The following MAPK7 variants were observed in gnomAD, a reference collection of about 807,000 sequenced individuals.
The protein encoded by MAPK7 is mitogen-activated protein kinase 7.
A neutral mutation model predicts 56.9 loss-of-function variants in MAPK7; 30 were observed. The observed-to-expected ratio is 0.53, with a 90% CI of 0.39 to 0.72. MAPK7 has a LOEUF of 0.72. MAPK7 is among the 30% of genes least tolerant of loss of function. MAPK7 has a pLI of 0.00. For synonymous variants in MAPK7, 516 were observed against 449.3 expected, an observed-to-expected ratio of 1.15 and a Z score of -1.88; for missense variants, 952 against 1,110.8, an observed-to-expected ratio of 0.86 and a Z score of 2.03.
At chr17:19,377,965 G>A (rs1179850421), upstream of MAPK7, 11 of 985,280 alleles carry the variant, frequency 1.1e-5, no homozygotes, top group African/African-American at 5.2e-5. Context: ...CTAGAATCCC[G>A]GAGGACCGGG....
Position 19,378,750 on chromosome 17 carries a change from T to G in MAPK7, c.-6+120T>G. On this transcript the variant is annotated intron_variant, in intron 1 of 6. Transcript: ENST00000395604. The surrounding 1 kb of genome is among the most constrained non-coding windows in gnomAD (Gnocchi z 5.4). ...CGGCTCTGGGCCCGGACCCCTGGGG[T>G]AGCTAGTCTGCCACGAACCAGCCGC... 3.9e-5 allele frequency: 48 copies of G among 1,246,374 alleles called. No individual in the cohort carries two copies. The highest frequency in any genetic ancestry group is 2.9e-4 in the Middle Eastern group (1 of 3,462). The allele number at this position is 1,246,374 out of a possible 1,614,324, so 77.2% of individuals were successfully genotyped here.
At position 19,379,072 on chromosome 17, in the gene MAPK7, A is replaced by T; in HGVS notation, c.172A>T (p.Ile58Phe). ...TFDVGDEYEIIETIGNGAYGV... is the reference protein window; with the variant it reads ...TFDVGDEYEIFETIGNGAYGV... ...TGACGTGGGCGACGAGTACGAGATC[A>T]TCGAGACCATAGGCAACGGGGCCTA... The change falls in exon 2 of 7, where the codon ATC (isoleucine) becomes TTC (phenylalanine). Residue 58 changes from isoleucine to phenylalanine, a missense_variant. Physicochemically the swap from Ile to Phe is conservative, Grantham distance 21. Transcript: ENST00000395604. 6.2e-7 allele frequency: 1 copy of T among 1,614,098 alleles called. No homozygotes were observed. Among genetic ancestry groups the T allele is most frequent in the Non-Finnish European group, 8.5e-7 (1 of 1,179,998 alleles).
chr17:19,380,637 A>G lies in MAPK7; in HGVS notation c.428A>G (p.Asp143Gly). ...GTGGTCCTGGACCTGATGGAAAGCG[A>G]CCTGCACCAGATCATCCACTCCTCA... ...VYVVLDLMES[D>G]LHQIIHSSQP... The change falls in exon 4 of 7, where the codon GAC becomes GGC. Residue 143 changes from aspartate (D) to glycine (G), a missense_variant. By Grantham distance (94) the Asp-to-Gly change is moderately conservative. Coordinates refer to ENST00000395604, the MANE Select transcript of MAPK7 (RefSeq NM_002749.4). 1 of 1,608,384 alleles carries G rather than the reference A, an allele frequency of 6.2e-7. No individual in the cohort carries two copies. Among genetic ancestry groups the G allele is most frequent in the South Asian group, 1.1e-5 (1 of 90,838 alleles).
chr17:19,378,147 G>A, upstream of MAPK7: 1 of 977,542 alleles, frequency 1.0e-6, no homozygotes, highest in Non-Finnish European at 1.2e-6. The surrounding 1 kb of genome is among the most constrained non-coding windows in gnomAD (Gnocchi z 5.4). Flanking sequence ...AGTTCCCCGA[G>A]CTCACGGGAC....
rs774563799 is a variant in MAPK7, at chr17:19,379,142, C to G, written c.232+10C>G. On this transcript the variant is annotated intron_variant, in intron 2 of 6. Coordinates refer to ENST00000395604, the MANE Select transcript of MAPK7 (RefSeq NM_002749.4). ...CGCCGCCGCCTCACCGGTGAGCTTC[C>G]TGAGCCGTCGCCTCCCAGATGTGGC... 7.3e-5 allele frequency: 118 copies of G among 1,609,616 alleles called. No individual in the cohort carries two copies. The highest frequency in any genetic ancestry group is 9.3e-5 in the Non-Finnish European group (110 of 1,178,448).
rs1912696451 is a variant in MAPK7 at position 19,381,769 on chromosome 17, A to G, written c.1478-12A>G. Reference sequence around the variant, plus strand: ...AGGCTTTTACCTTCTCCCCTGCCCAACTTCCCCGCAGATGGCCCCAGCGCA... The same window carrying G: ...AGGCTTTTACCTTCTCCCCTGCCCAGCTTCCCCGCAGATGGCCCCAGCGCA... On this transcript the variant is annotated splice_polypyrimidine_tract_variant and intron_variant, in intron 4 of 6. Transcript: ENST00000395604. This position sits in a 1 kb window ranked among gnomAD's most constrained non-coding sequence, Gnocchi z 4.6. 2 of 1,537,428 alleles carry G rather than the reference A, an allele frequency of 1.3e-6. No homozygotes were observed. Among genetic ancestry groups the G allele is most frequent in the Non-Finnish European group, 1.7e-6 (2 of 1,145,284 alleles).
chr17:19,380,458 G>T, intron 3 of MAPK7, 150 bp from the exon 4 acceptor site: 1 of 1,425,110 alleles, frequency 7.0e-7, no homozygotes. Context: ...AAAACGTGAT[G>T]CTCTTCTTCC....
chr17:19,380,542 G>A (rs1246115908), intron 3 of MAPK7, 66 bp from the exon 4 acceptor site: 1 of 1,531,584 alleles, frequency 6.5e-7, no homozygotes, highest in Non-Finnish European at 8.8e-7. Flanking sequence ...GGTGTGGTGA[G>A]GATGGGGCTT....
At chr17:19,379,980 T>C (rs1912509306) in intron 3 of MAPK7, 33 bp downstream of exon 3, 1 of 1,599,490 alleles carries the variant, frequency 6.3e-7, no homozygotes, top group Non-Finnish European at 8.5e-7. Context: ...GAGCCAGACT[T>C]GGGACTTTTC....
Position 19,379,815 on chromosome 17 carries a change from C to T in MAPK7, c.266C>T (p.Ala89Val). ...GTGGCCATCAAGAAGATCCCTAATG[C>T]TTTCGATGTGGTGACCAATGCCAAG... The part of the protein sequence containing the change: ...QQVAIKKIPN[A>V]FDVVTNAKRT... Residue 89 changes from alanine (A) to valine (V), a missense_variant, in exon 3 of 7, where the codon GCT becomes GTT. Ala to Val is a moderately conservative substitution (Grantham distance 64). Coordinates refer to ENST00000395604, the MANE Select transcript of MAPK7 (RefSeq NM_002749.4). 6.2e-7 allele frequency: 1 copy of T among 1,614,212 alleles called. No homozygotes were observed.
At chr17:19,382,487 A>C (rs372658571) in intron 5 of MAPK7, 21 bp downstream of exon 5, 1 of 1,558,594 alleles carries the variant, frequency 6.4e-7, no homozygotes, top group Non-Finnish European at 8.7e-7. Flanking sequence ...GGCCCAGGCC[A>C]TGGGGACACC....
intron 5 of MAPK7, 70 bp downstream of exon 5, chr17:19,382,536 C>G (rs906968754): frequency 6.6e-6 from 10 of 1,513,676 alleles, no homozygotes; most frequent in Non-Finnish European, 8.8e-6. Flanking sequence ...AGGAAGCGGT[C>G]AGTGTTCCAC....
Position 19,382,079 on chromosome 17 carries a change from G to T in MAPK7, c.1776G>T (p.Ala592=). ...ALTSVPAPAP[A]PTPTPTPVQP... ...CCTCTGTGCCGGCCCCTGCCCCAGCGCCAACGCCAACCCCAACCCCAGTCC... is the reference window on the plus strand; with the variant it reads ...CCTCTGTGCCGGCCCCTGCCCCAGCTCCAACGCCAACCCCAACCCCAGTCC... The change falls in exon 5 of 7, where the codon GCG becomes GCT. Residue 592 remains alanine, a synonymous_variant. Coordinates refer to ENST00000395604, the MANE Select transcript of MAPK7 (RefSeq NM_002749.4). The T allele has an allele frequency of 6.2e-7, 1 of 1,601,154 alleles. No individual in the cohort carries two copies. The highest frequency in any genetic ancestry group is 8.5e-7 in the Non-Finnish European group (1 of 1,174,568).
rs568003723 is a variant in MAPK7, at chr17:19,382,046, A to C, written c.1743A>C (p.Pro581=). 6.3e-7 allele frequency: 1 copy of C among 1,576,352 alleles called. No homozygotes were observed. The highest frequency in any genetic ancestry group is 1.4e-5 in the African/African-American group (1 of 74,014). Residue 581 remains proline (P), a synonymous_variant, in exon 5 of 7, where the codon CCA becomes CCC. Coordinates refer to ENST00000395604, the MANE Select transcript of MAPK7 (RefSeq NM_002749.4). Reference sequence around the variant, plus strand: ...CTCGAATGGCCCGGCCCGCAGCCCCAGCCCTCACCTCTGTGCCGGCCCCTG... The same window carrying C: ...CTCGAATGGCCCGGCCCGCAGCCCCCGCCCTCACCTCTGTGCCGGCCCCTG... ...RWTRMARPAA[P]ALTSVPAPAP...
At position 19,381,563 on chromosome 17, in the gene MAPK7, A is replaced by T. The variant is rs1020100908; in HGVS notation, c.1354A>T (p.Thr452Ser). 6.8e-6 allele frequency: 11 copies of T among 1,613,434 alleles called. No individual in the cohort carries two copies. Among genetic ancestry groups the T allele is most frequent in the East Asian group, 2.2e-5 (1 of 44,870 alleles). Residue 452 changes from threonine to serine, a missense_variant, in exon 4 of 7, where the codon ACC becomes TCC. Physicochemically the swap from Thr to Ser is moderately conservative, Grantham distance 58. Transcript: ENST00000395604. The surrounding 1 kb of genome is among the most constrained non-coding windows in gnomAD (Gnocchi z 4.6). ...CCCTGCACCTGACACCATTGATCTGACCCTGCAGCCACCTCCACCAGTCAG... is the reference window on the plus strand; with the variant it reads ...CCCTGCACCTGACACCATTGATCTGTCCCTGCAGCCACCTCCACCAGTCAG... Reference protein sequence around the residue: ...PGPAPDTIDLTLQPPPPVSEP... With the variant: ...PGPAPDTIDLSLQPPPPVSEP...
At chr17:19,383,044 G>A in intron 6 of MAPK7, 34 bp from the exon 7 acceptor site, 1 of 1,613,158 alleles carries the variant, frequency 6.2e-7, no homozygotes, top group Non-Finnish European at 8.5e-7. Context: ...TCCAGCCTAG[G>A]CTAATAGCAC....
chr17:19,380,038 T>A, intron 3 of MAPK7, 91 bp downstream of exon 3: 1 of 1,436,442 alleles, frequency 7.0e-7, no homozygotes, highest in South Asian at 1.3e-5. Flanking sequence ...CAGCTGAATC[T>A]AATCTGAAGC....
chr17:19,378,495 G>A (rs1193275310), upstream of MAPK7: 2 of 1,063,316 alleles, frequency 1.9e-6, no homozygotes, highest in Non-Finnish European at 2.3e-6. This position sits in a 1 kb window ranked among gnomAD's most constrained non-coding sequence, Gnocchi z 5.4. Context: ...GAGGGGGACG[G>A]ACAGGGCAGC....
Position 19,378,820 on chromosome 17 carries a change from T to G in MAPK7, c.-5-76T>G, listed in dbSNP as rs1385476701. On this transcript the variant is annotated intron_variant, in intron 1 of 6. Transcript: ENST00000395604. The surrounding 1 kb of genome is among the most constrained non-coding windows in gnomAD (Gnocchi z 5.4). ...TTTAGGAAACTGGGAAGTTCCCTGG[T>G]CCTGCTCCCCAGCCCGCAGAGGGGA... 20 of 1,372,840 alleles carry G rather than the reference T, an allele frequency of 1.5e-5. No individual in the cohort carries two copies. The highest frequency in any genetic ancestry group is 1.7e-5 in the Non-Finnish European group (17 of 1,011,304). 85.0% of individuals were successfully genotyped at this position (1,372,840 alleles called of 1,614,324 possible). A position where few individuals can be genotyped will look rare whatever the true frequency, so the allele number is the denominator to read the frequency against.
Sources: allele counts gnomAD v4.1 joint callset, GRCh38; gene constraint gnomAD v4.1.1; non-coding constraint Gnocchi (gnomAD v3.1); transcripts MANE v1.5; gene names NCBI Gene and HGNC (gene_info 2026-07-23, HGNC 2026-07-21).